The following MARK3 variants were observed in gnomAD, a reference collection of about 807,000 sequenced individuals.
MARK3 encodes MAP/microtubule affinity-regulating kinase 3.
A neutral mutation model predicts 90.1 loss-of-function variants in MARK3; 46 were observed. The observed-to-expected ratio is 0.51, with a 90% CI of 0.40 to 0.65. MARK3 has a LOEUF of 0.65. Ranked by LOEUF, MARK3 falls within the 30% of genes least tolerant of loss-of-function variation. The pLI, the probability that MARK3 is intolerant of heterozygous loss-of-function variation, is 0.00. For synonymous variants in MARK3, 321 were observed against 332.6 expected, an observed-to-expected ratio of 0.97 and a Z score of 0.38; for missense variants, 818 against 947.2, an observed-to-expected ratio of 0.86 and a Z score of 1.79.
intron 15 of MARK3, among the ~76,000 whole-genome samples, chr14:103,492,717 G>A (rs1051758090): frequency 4.6e-5 from 7 of 152,090 alleles, no homozygotes; most frequent in African/African-American, 1.7e-4. Context: ...AGCATCTGGG[G>A]CCTCAGTAAA....
chr14:103,386,180 T>C, intron 1 of MARK3, 100 bp downstream of exon 1: 2 of 1,173,048 alleles, frequency 1.7e-6, no homozygotes, highest in South Asian at 2.5e-5. Flanking sequence ...CCGAACGCTC[T>C]GGAAATAGAG....
At chr14:103,460,443 G>A (rs376733741) in intron 6 of MARK3, among the ~76,000 whole-genome samples, 2 of 152,004 alleles carry the variant, frequency 1.3e-5, no homozygotes, top group African/African-American at 4.8e-5. Context: ...ATGATTTGAC[G>A]CTCTTTTATG....
At chr14:103,392,943 A>G (rs1416817259) in intron 1 of MARK3, among the ~76,000 whole-genome samples, 2 of 151,516 alleles carry the variant, frequency 1.3e-5, no homozygotes, top group East Asian at 1.9e-4. Flanking sequence ...CCAGGTAGCT[A>G]GGATTACAGG....
At chr14:103,405,051 T>G in intron 1 of MARK3, 25 bp from the exon 2 acceptor site, 1 of 1,594,606 alleles carries the variant, frequency 6.3e-7, no homozygotes, top group Middle Eastern at 1.7e-4. Flanking sequence ...CTCATTTCCT[T>G]ATCTTTGTGT....
chr14:103,401,779 A>G (rs1268670409), intron 1 of MARK3, among the ~76,000 whole-genome samples: 1 of 152,206 alleles, frequency 6.6e-6, no homozygotes, highest in East Asian at 1.9e-4. Context: ...AAAGTAGCAT[A>G]ATAGAGTTAG....
chr14:103,428,034 C>T (rs1164727597), intron 2 of MARK3, among the ~76,000 whole-genome samples: 1 of 152,150 alleles, frequency 6.6e-6, no homozygotes, highest in Non-Finnish European at 1.5e-5. Flanking sequence ...ACACTTCTGA[C>T]ATATTTCCCC....
At chr14:103,405,748 A>ATTT (rs869133624) in intron 2 of MARK3, among the ~76,000 whole-genome samples, 4 of 141,034 alleles carry the variant, frequency 2.8e-5, no homozygotes, top group African/African-American at 5.3e-5. Context: ...CACCACGCTA[A>ATTT]TTTTTTTTTT....
In MARK3 at chr14:103,450,875, AGTGTGTGT is replaced by A. The variant is rs61183226; in HGVS notation, c.347-1008_347-1001del. Among the ~76,000 whole-genome samples, 130 of 114,876 alleles carry A rather than the reference AGTGTGTGT, an allele frequency of 1.1e-3. 1 individual carries two copies. Among genetic ancestry groups the A allele is most frequent in the Middle Eastern group, 5.6e-3 (1 of 178 alleles). 75.4% of individuals were successfully genotyped at this position (114,876 alleles called of 152,430 possible). A position where few individuals can be genotyped will look rare whatever the true frequency, so the allele number is the denominator to read the frequency against. On this transcript the variant is annotated intron_variant, in intron 4 of 17. Transcript: ENST00000429436. ...GGATTTACTCCAGTTTCATTTTTAA[AGTGTGTGT>A]GTGTGTGTGTGTGTGTGTGTGTGTG... is the stretch of plus-strand genomic sequence containing the variant.
In MARK3 at chr14:103,405,116, G is replaced by T. The variant is rs200852191; in HGVS notation, c.92G>T (p.Arg31Leu). 1.2e-6 allele frequency: 2 copies of T among 1,613,716 alleles called. No individual in the cohort carries two copies. The highest frequency in any genetic ancestry group is 4.5e-5 in the East Asian group (2 of 44,858). Reference protein sequence around the residue: ...HGDGRQEVTSRTSRSGARCRN... With the variant: ...HGDGRQEVTSLTSRSGARCRN... The stretch of plus-strand genomic sequence containing the variant: ...GATGGGCGTCAAGAAGTTACCTCTC[G>T]TACCAGCCGCTCAGGAGCTCGGTGT... Residue 31 changes from arginine to leucine, a missense_variant, in exon 2 of 18, where the codon CGT becomes CTT. Arg to Leu is a moderately radical substitution (Grantham distance 102). Coordinates refer to ENST00000429436, the MANE Select transcript of MARK3 (RefSeq NM_001128918.3).
Position 103,475,116 on chromosome 14 carries a change from A to G in MARK3, c.1388A>G (p.Lys463Arg). ...TCAAGTGGCAGTGCTGTTGGAGGAA[A>G]GGGAATTGCTCCAGCCAGTCCCATG... The part of the protein sequence containing the change: ...RKSSGSAVGG[K>R]GIAPASPMLG... Residue 463 changes from lysine to arginine, a missense_variant, in exon 13 of 18, where the codon AAG becomes AGG. Transcript: ENST00000429436. 4 of 1,614,072 alleles carry G rather than the reference A, an allele frequency of 2.5e-6. No homozygotes were observed. The highest frequency in any genetic ancestry group is 3.4e-6 in the Non-Finnish European group (4 of 1,179,892).
Position 103,477,172 on chromosome 14 carries a change from CTTTG to C in MARK3, c.1482+1966_1482+1969del, listed in dbSNP as rs1189632719. On this transcript the variant is annotated intron_variant, in intron 13 of 17. Transcript: ENST00000429436. Reference sequence around the variant, plus strand: ...GCTGTAGTAAAAGTGACTGCTCTATCTTTGTTTAAAAATTATCTGATAAAATTCC... The same window carrying C: ...GCTGTAGTAAAAGTGACTGCTCTATCTTTAAAAATTATCTGATAAAATTCC... 3.9e-5 allele frequency among the ~76,000 whole-genome samples: 6 copies of C among 152,168 alleles called. No individual in the cohort carries two copies. The East Asian group carries it at 1.2e-3, about 29-fold the overall frequency.
At chr14:103,484,596 T>C (rs540402964) in intron 14 of MARK3, among the ~76,000 whole-genome samples, 6 of 152,196 alleles carry the variant, frequency 3.9e-5, no homozygotes, top group Admixed American at 1.3e-4. Flanking sequence ...CAGAGAAGGA[T>C]TGAGGACACT....
chr14:103,390,466 C>CTT (rs5811102), intron 1 of MARK3, among the ~76,000 whole-genome samples: 1 of 151,804 alleles, frequency 6.6e-6, no homozygotes, highest in East Asian at 1.9e-4. Context: ...ATTTCTAAAA[C>CTT]TTTTTTTTAA....
intron 12 of MARK3, among the ~76,000 whole-genome samples, chr14:103,471,893 G>A (rs1461231685): frequency 6.6e-6 from 1 of 152,152 alleles, no homozygotes; most frequent in African/African-American, 2.4e-5. Context: ...TCTTATACAA[G>A]GATGAATTCT....
Position 103,503,428 on chromosome 14 carries a change from C to G in MARK3, c.*201C>G. 1 of 574,650 alleles carries G rather than the reference C, an allele frequency of 1.7e-6. No individual in the cohort carries two copies. The highest frequency in any genetic ancestry group is 3.1e-6 in the Non-Finnish European group (1 of 327,742). 35.6% of individuals were successfully genotyped at this position (574,650 alleles called of 1,614,324 possible). On this transcript the variant is annotated 3_prime_UTR_variant, in exon 18 of 18. Coordinates refer to ENST00000429436, the MANE Select transcript of MARK3 (RefSeq NM_001128918.3). ...ACATTAAAGATGTGCAACCTATGCG[C>G]CCCCTGCCCTACTTCCGTTACCCTG...
chr14:103,455,085 G>A (rs942809425), intron 5 of MARK3, among the ~76,000 whole-genome samples: 7 of 152,100 alleles, frequency 4.6e-5, no homozygotes, highest in Non-Finnish European at 7.3e-5. Context: ...TTATGAGTGT[G>A]ACATATGGTT....
At chr14:103,496,554 AG>A (rs1242839472) in intron 15 of MARK3, among the ~76,000 whole-genome samples, 1 of 152,024 alleles carries the variant, frequency 6.6e-6, no homozygotes, top group East Asian at 1.9e-4. Flanking sequence ...CTGGGACTAC[AG>A]GTGCATGTCA....
chr14:103,487,492 G>A (rs1166917311), intron 14 of MARK3, among the ~76,000 whole-genome samples: 1 of 151,806 alleles, frequency 6.6e-6, no homozygotes, highest in Non-Finnish European at 1.5e-5. Context: ...ATTGGGAATC[G>A]ATGCAGCACC....
intron 14 of MARK3, among the ~76,000 whole-genome samples, chr14:103,482,994 T>C (rs2093854088): frequency 6.6e-6 from 1 of 152,172 alleles, no homozygotes. Flanking sequence ...TTAATAATAT[T>C]TGGACTTTCC....
Sources: allele counts gnomAD v4.1 joint callset (sites outside exome capture counted in the v4.1 genomes callset), GRCh38; gene constraint gnomAD v4.1.1; transcripts MANE v1.5; gene names NCBI Gene and HGNC (gene_info 2026-07-23, HGNC 2026-07-21).